Variants in PCDH11X observed in about 807,000 individuals in gnomAD.
The protein encoded by PCDH11X is protocadherin 11 X-linked.
In PCDH11X, 18 loss-of-function variants were observed where a neutral mutation model predicts 53.3. The ratio of observed to expected loss-of-function variants is 0.34; its 90% confidence interval spans 0.23 to 0.50. The LOEUF (loss-of-function observed/expected upper bound fraction) is 0.50. Ranked by LOEUF, PCDH11X falls within the 20% of genes least tolerant of loss-of-function variation. The pLI, the probability that PCDH11X is intolerant of heterozygous loss-of-function variation, is 0.98. For missense variants in PCDH11X, 570 were observed against 1,032.4 expected (o/e 0.55, Z 6.14); for synonymous variants, 279 against 393.3 (o/e 0.71, Z 3.44).
intron 8 of PCDH11X, among the ~76,000 whole-genome samples, chrX:92,265,811 T>G (rs1213001808): frequency 8.9e-6 from 1 of 111,874 alleles, no homozygotes; most frequent in Non-Finnish European, 1.9e-5. Flanking sequence ...AGATAACAAC[T>G]TGGAATCGTA....
At chrX:91,801,106 G>A (rs1935919169) in intron 1 of PCDH11X, among the ~76,000 whole-genome samples, 1 of 100,020 alleles carries the variant, frequency 1.0e-5, no homozygotes, top group South Asian at 5.1e-4. Context: ...CTTGAGCCTG[G>A]GAGGTGGAGG....
chrX:92,387,242 A>C (rs2071029074), intron 8 of PCDH11X, among the ~76,000 whole-genome samples: 1 of 111,719 alleles, frequency 9.0e-6, no homozygotes, highest in South Asian at 3.7e-4. Flanking sequence ...AGATTCTTCT[A>C]AAAGATGATG....
intron 8 of PCDH11X, among the ~76,000 whole-genome samples, chrX:92,311,655 C>CT (rs1160221233): frequency 0.012 from 1,230 of 104,525 alleles, 30 homozygotes; most frequent in African/African-American, 0.04. Flanking sequence ...TAAATGTTTG[C>CT]TTTTTTTTTT....
chrX:92,103,720 T>G (rs1206791910), intron 6 of PCDH11X, among the ~76,000 whole-genome samples: 1 of 112,096 alleles, frequency 8.9e-6, no homozygotes, highest in African/African-American at 3.2e-5. Context: ...GGGAGAAGGT[T>G]CTGGAGGAAC....
intron 1 of PCDH11X, among the ~76,000 whole-genome samples, chrX:91,800,642 A>G (rs1245017012): frequency 1.8e-5 from 2 of 111,790 alleles, no homozygotes; most frequent in African/African-American, 6.5e-5. Flanking sequence ...TCATGTACCT[A>G]GTTTTGGTTG....
chrX:92,093,959 A>C (rs2064090332), intron 6 of PCDH11X, among the ~76,000 whole-genome samples: 1 of 111,646 alleles, frequency 9.0e-6, no homozygotes, highest in Non-Finnish European at 1.9e-5. Flanking sequence ...GGTTATTACA[A>C]GATACAAATT....
chrX:92,334,035 T>A (rs946069265), intron 8 of PCDH11X, among the ~76,000 whole-genome samples: 6 of 111,624 alleles, frequency 5.4e-5, no homozygotes, highest in Admixed American at 9.6e-5. Flanking sequence ...ACGTTGATTT[T>A]TTTCAATGAA....
intron 6 of PCDH11X, among the ~76,000 whole-genome samples, chrX:91,888,476 A>G (rs1204902067): frequency 9.0e-6 from 1 of 110,650 alleles, no homozygotes; most frequent in Non-Finnish European, 1.9e-5. Flanking sequence ...AACATGGTTG[A>G]AACCCTGTCT....
At chrX:92,182,062 A>G (rs1030288913) in intron 6 of PCDH11X, among the ~76,000 whole-genome samples, 11 of 112,278 alleles carry the variant, frequency 9.8e-5, no homozygotes, top group African/African-American at 2.9e-4. Context: ...AATGCCAGCC[A>G]GTAAAAGCAG....
intron 9 of PCDH11X, among the ~76,000 whole-genome samples, chrX:92,399,642 C>T: frequency 8.9e-6 from 1 of 112,047 alleles, no homozygotes; most frequent in Non-Finnish European, 1.9e-5. Flanking sequence ...TGCATATTTG[C>T]TTGATTCTTC....
chrX:91,937,161 G>A (rs2061454779), intron 6 of PCDH11X, among the ~76,000 whole-genome samples: 1 of 109,304 alleles, frequency 9.1e-6, no homozygotes, highest in Non-Finnish European at 1.9e-5. Context: ...TGAGAAGGAG[G>A]ACAATAGTCT....
chrX:92,421,595 A>G (rs926819578), intron 9 of PCDH11X, among the ~76,000 whole-genome samples: 1 of 111,851 alleles, frequency 8.9e-6, no homozygotes, highest in Non-Finnish European at 1.9e-5. Flanking sequence ...TCTTTATGGC[A>G]GAACGATTTA....
At chrX:92,601,425 A>G (rs1430557605) in intron 10 of PCDH11X, among the ~76,000 whole-genome samples, 2 of 101,895 alleles carry the variant, frequency 2.0e-5, no homozygotes, top group Non-Finnish European at 4.0e-5. Flanking sequence ...ATGATGTGAA[A>G]TAATTAAAAC....
intron 6 of PCDH11X, among the ~76,000 whole-genome samples, chrX:91,983,789 A>C (rs1272567002): frequency 4.5e-5 from 5 of 110,370 alleles, no homozygotes; most frequent in African/African-American, 6.6e-5. Flanking sequence ...ACCACCAATA[A>C]AGCCAATTTA....
At chrX:92,508,624 C>T (rs991298714) in intron 10 of PCDH11X, among the ~76,000 whole-genome samples, 6 of 109,119 alleles carry the variant, frequency 5.5e-5, no homozygotes, top group African/African-American at 2.0e-4. Flanking sequence ...TTAAATAAAC[C>T]CATTATTATA....
intron 10 of PCDH11X, among the ~76,000 whole-genome samples, chrX:92,612,513 C>T (rs1927500466): frequency 9.0e-6 from 1 of 111,021 alleles, no homozygotes; most frequent in African/African-American, 3.3e-5. Flanking sequence ...GCCTGTCAAT[C>T]TTATTTATTT....
chrX:92,029,483 C>T (rs2063014152), intron 6 of PCDH11X, among the ~76,000 whole-genome samples: 1 of 111,517 alleles, frequency 9.0e-6, no homozygotes, highest in Non-Finnish European at 1.9e-5. Context: ...TGGAGGAAAT[C>T]AGGCATTTAT....
chrX:92,593,142 G>T (rs1389444711), intron 10 of PCDH11X, among the ~76,000 whole-genome samples: 1 of 110,551 alleles, frequency 9.0e-6, no homozygotes, highest in African/African-American at 3.3e-5. Context: ...TATACATTTG[G>T]TGTAAATTAG....
chrX:92,010,846 C>T (rs2062678781), intron 6 of PCDH11X, among the ~76,000 whole-genome samples: 1 of 110,006 alleles, frequency 9.1e-6, no homozygotes, highest in Non-Finnish European at 1.9e-5. Flanking sequence ...AGCACAGTAC[C>T]TGATAGTATT....
Sources: allele counts gnomAD v4.1 joint callset (sites outside exome capture counted in the v4.1 genomes callset), GRCh38; gene constraint gnomAD v4.1.1; transcripts MANE v1.5; gene names NCBI Gene and HGNC (gene_info 2026-07-23, HGNC 2026-07-21).